NALF1: variants seen among roughly 807,000 people sequenced by gnomAD.
NALF1 encodes NALCN channel auxiliary factor 1, also known as family with sequence similarity 155 member A.
NALF1 carries 3 observed loss-of-function variants against 48.4 expected under a neutral mutation model. That is an observed-to-expected ratio of 0.06 (90% CI 0.03 to 0.16). The LOEUF (loss-of-function observed/expected upper bound fraction) is 0.16. Among genes scored for constraint, NALF1 ranks in the 10% least tolerant of loss-of-function variants. The pLI is 1.00. For synonymous variants in NALF1, 262 were observed against 245.7 expected (o/e 1.07, Z -0.62); for missense variants, 526 against 571.5 (o/e 0.92, Z 0.81).
chr13:107,503,734 G>A (rs1875596410), intron 1 of NALF1, among the ~76,000 whole-genome samples: 1 of 138,634 alleles, frequency 7.2e-6, no homozygotes, highest in African/African-American at 2.6e-5. Flanking sequence ...TAAAGAAAAT[G>A]TGTGTCTGGT....
intron 1 of NALF1, among the ~76,000 whole-genome samples, chr13:107,454,199 G>C (rs75223772): frequency 2.0e-5 from 3 of 151,924 alleles, no homozygotes; most frequent in Non-Finnish European, 4.4e-5. Context: ...CCACATTTTC[G>C]GGTATCTTTA....
intron 1 of NALF1, among the ~76,000 whole-genome samples, chr13:107,312,418 G>A (rs1330342592): frequency 6.6e-6 from 1 of 151,748 alleles, no homozygotes; most frequent in Admixed American, 6.6e-5. Flanking sequence ...ACCAGGGCCT[G>A]TTGTGGGGTG....
At chr13:107,603,500 C>T (rs1361618081) in intron 1 of NALF1, among the ~76,000 whole-genome samples, 1 of 152,046 alleles carries the variant, frequency 6.6e-6, no homozygotes, top group Non-Finnish European at 1.5e-5. Flanking sequence ...ATTAGTGATA[C>T]AGGCTTATTT....
chr13:107,816,855 T>C (rs9514741), intron 1 of NALF1, among the ~76,000 whole-genome samples: 23,047 of 152,174 alleles, frequency 0.15, 1,989 homozygotes, highest in Middle Eastern at 0.21. Context: ...AGTCCAGGAA[T>C]AGACAGGGAT....
rs528984695 is a variant in NALF1 at position 107,361,377 on chromosome 13, C to G, written c.916-150622G>C. On this transcript the variant is annotated intron_variant, in intron 1 of 2. Coordinates refer to ENST00000375915, the MANE Select transcript of NALF1 (RefSeq NM_001080396.3). ...GTAACAGGTAACTGGAAATTTGGCT[C>G]TGTTGCTGGTGAGTAGTGAAAGACC... 7.2e-5 allele frequency among the ~76,000 whole-genome samples: 11 copies of G among 152,234 alleles called. No individual in the cohort carries two copies. The South Asian group carries it at 2.3e-3, about 31-fold the overall frequency.
intron 1 of NALF1, among the ~76,000 whole-genome samples, chr13:107,386,682 A>G (rs1216836255): frequency 6.6e-6 from 1 of 152,226 alleles, no homozygotes; most frequent in Non-Finnish European, 1.5e-5. Context: ...ATGCTGATGC[A>G]GTTATTATGA....
At chr13:107,575,508 C>T (rs1472381210) in intron 1 of NALF1, among the ~76,000 whole-genome samples, 2 of 152,110 alleles carry the variant, frequency 1.3e-5, no homozygotes, top group East Asian at 3.9e-4. Flanking sequence ...AAAATTACCA[C>T]AAAATACTAA....
intron 2 of NALF1, among the ~76,000 whole-genome samples, chr13:107,182,253 C>CGTGTGTGTGTGTGTGTGT (rs71204818): frequency 7.0e-6 from 1 of 143,756 alleles, no homozygotes; most frequent in African/African-American, 2.6e-5. Flanking sequence ...TGTGTGTGTC[C>CGTGTGTGTGTGTGTGTGT]GTGTGTGTGT....
intron 1 of NALF1, among the ~76,000 whole-genome samples, chr13:107,784,666 G>C (rs1192958071): frequency 1.3e-5 from 2 of 152,056 alleles, no homozygotes; most frequent in Non-Finnish European, 2.9e-5. Context: ...CATCATTAAT[G>C]ATCAGGGAAA....
intron 1 of NALF1, among the ~76,000 whole-genome samples, chr13:107,212,547 C>T (rs908143775): frequency 6.6e-6 from 1 of 151,336 alleles, no homozygotes; most frequent in African/African-American, 2.4e-5. Flanking sequence ...GGAGGTGGTG[C>T]CGGCAGCAAG....
intron 2 of NALF1, among the ~76,000 whole-genome samples, chr13:107,209,332 C>T (rs1024335081): frequency 7.2e-5 from 11 of 152,072 alleles, no homozygotes; most frequent in African/African-American, 2.7e-4. Context: ...CACGGTGAAA[C>T]ACCGTCTCTA....
intron 1 of NALF1, among the ~76,000 whole-genome samples, chr13:107,487,103 C>T (rs754011745): frequency 5.3e-5 from 8 of 152,110 alleles, no homozygotes; most frequent in Non-Finnish European, 8.8e-5. Flanking sequence ...TGATGAGTTC[C>T]AGACCACCCG....
chr13:107,695,360 C>A (rs899805622), intron 1 of NALF1, among the ~76,000 whole-genome samples: 10 of 151,982 alleles, frequency 6.6e-5, no homozygotes, highest in African/African-American at 2.4e-4. Flanking sequence ...TTGTAGAAAC[C>A]AATATGCATT....
intron 1 of NALF1, among the ~76,000 whole-genome samples, chr13:107,671,199 C>A (rs1351007225): frequency 9.0e-4 from 137 of 152,184 alleles, no homozygotes; most frequent in Non-Finnish European, 2.5e-4. Flanking sequence ...GGAAGTGGTA[C>A]TTTCTTAAGA....
intron 1 of NALF1, among the ~76,000 whole-genome samples, chr13:107,755,128 A>AT (rs879257519): frequency 2.3e-4 from 35 of 149,422 alleles, no homozygotes; most frequent in Admixed American, 4.0e-4. Context: ...AACAATTGTT[A>AT]TTTTTTTTTT....
intron 1 of NALF1, among the ~76,000 whole-genome samples, chr13:107,734,409 A>AACAC (rs35161339): frequency 8.0e-5 from 12 of 149,212 alleles, no homozygotes; most frequent in African/African-American, 2.2e-4. Context: ...TTTAAAAAAA[A>AACAC]ACACACACAC....
At chr13:107,346,417 C>T (rs952703080) in intron 1 of NALF1, among the ~76,000 whole-genome samples, 3 of 152,194 alleles carry the variant, frequency 2.0e-5, no homozygotes, top group Admixed American at 1.3e-4. Flanking sequence ...ATGGTGTATA[C>T]GCATGCAATG....
At chr13:107,700,485 G>A (rs963660677) in intron 1 of NALF1, among the ~76,000 whole-genome samples, 10 of 151,768 alleles carry the variant, frequency 6.6e-5, no homozygotes, top group African/African-American at 1.9e-4. Context: ...CACAAAAATC[G>A]ACTCTAAATG....
At chr13:107,378,720 T>C (rs1426001785) in intron 1 of NALF1, among the ~76,000 whole-genome samples, 1 of 152,190 alleles carries the variant, frequency 6.6e-6, no homozygotes, top group Non-Finnish European at 1.5e-5. Context: ...TGAAATATTG[T>C]CAAATGTATT....
Sources: allele counts gnomAD v4.1 joint callset (sites outside exome capture counted in the v4.1 genomes callset), GRCh38; gene constraint gnomAD v4.1.1; transcripts MANE v1.5; gene names NCBI Gene and HGNC (gene_info 2026-07-23, HGNC 2026-07-21).